Variants in FAP observed in about 807,000 individuals in gnomAD.
FAP encodes the protein prolyl endopeptidase FAP.
A neutral mutation model predicts 126.5 loss-of-function variants in FAP; 110 were observed. The observed-to-expected ratio is 0.87, with a 90% CI of 0.74 to 1.02. The LOEUF (loss-of-function observed/expected upper bound fraction) is 1.02. Among genes scored for constraint, FAP ranks in the 50% least tolerant of loss-of-function variants. The probability of loss-of-function intolerance (pLI) is 0.00; values close to 1 mark genes in which losing one functional copy is unlikely to be tolerated. For missense variants in FAP, 919 were observed against 909.2 expected (o/e 1.01, Z -0.14); for synonymous variants, 334 against 297.3 (o/e 1.12, Z -1.27).
At chr2:162,198,407 T>C in intron 16 of FAP, 1 of 1,218,048 alleles carries the variant, frequency 8.2e-7, no homozygotes, top group Non-Finnish European at 1.1e-6. Flanking sequence ...TTGCGAAGCC[T>C]AGCTGACGGG....
At chr2:162,182,419 C>T (rs992889012) in intron 21 of FAP, among the ~76,000 whole-genome samples, 3 of 152,088 alleles carry the variant, frequency 2.0e-5, no homozygotes, top group African/African-American at 4.8e-5. Flanking sequence ...TTTATTTCTA[C>T]TCATTTGAAT....
intron 12 of FAP, among the ~76,000 whole-genome samples, chr2:162,205,589 T>C (rs776240955): frequency 4.6e-5 from 7 of 152,090 alleles, no homozygotes; most frequent in Non-Finnish European, 8.8e-5. Flanking sequence ...TCTTGGCTCA[T>C]CACAACCTCT....
At chr2:162,180,995 C>A (rs1687678142) in intron 21 of FAP, among the ~76,000 whole-genome samples, 1 of 152,154 alleles carries the variant, frequency 6.6e-6, no homozygotes, top group South Asian at 2.1e-4. Flanking sequence ...TAAATGGAGG[C>A]CGGATGCGGT....
intron 2 of FAP, among the ~76,000 whole-genome samples, chr2:162,237,923 TTGATTTGCATTTCTC>T (rs1690203156): frequency 6.6e-6 from 1 of 152,232 alleles, no homozygotes; most frequent in Non-Finnish European, 1.5e-5. Flanking sequence ...CATTTTGGTT[TTGATTTGCATTTCTC>T]TAATTACCAG....
chr2:162,215,314 A>G (rs1689120184), intron 10 of FAP, among the ~76,000 whole-genome samples: 1 of 152,284 alleles, frequency 6.6e-6, no homozygotes, highest in East Asian at 1.9e-4. Flanking sequence ...CCCCTTAGCC[A>G]CTTCAACCAG....
chr2:162,176,754 C>G (rs1315841073), intron 21 of FAP: 1 of 151,894 alleles, frequency 6.6e-6, no homozygotes, highest in South Asian at 2.1e-4. Context: ...TTCCTATGCC[C>G]CAGAGAAGGA....
At chr2:162,197,328 C>A (rs1462916141) in intron 16 of FAP, among the ~76,000 whole-genome samples, 4 of 152,158 alleles carry the variant, frequency 2.6e-5, no homozygotes, top group Non-Finnish European at 5.9e-5. Flanking sequence ...GATAGATAAA[C>A]AGATGACTCA....
At chr2:162,239,167 G>A (rs1025420609) in intron 2 of FAP, among the ~76,000 whole-genome samples, 6 of 152,058 alleles carry the variant, frequency 3.9e-5, no homozygotes, top group African/African-American at 1.4e-4. Flanking sequence ...AAATAGCTGG[G>A]ACGAAAGGTG....
At chr2:162,202,062 G>C (rs1688520431) in intron 14 of FAP, among the ~76,000 whole-genome samples, 1 of 152,180 alleles carries the variant, frequency 6.6e-6, no homozygotes, top group African/African-American at 2.4e-5. Flanking sequence ...CTGGACTAAT[G>C]GTCCTCATCT....
At position 162,237,995 on chromosome 2, in the gene FAP, T is replaced by G. The variant is rs571059390; in HGVS notation, c.91+4913A>C. Among the ~76,000 whole-genome samples, 5 of 152,320 alleles carry G rather than the reference T, an allele frequency of 3.3e-5. No homozygotes were observed. In the South Asian group the frequency reaches 1.0e-3, roughly 32 times the overall value. On this transcript the variant is annotated intron_variant, in intron 2 of 25. Coordinates refer to ENST00000188790, the MANE Select transcript of FAP (RefSeq NM_004460.5). The stretch of plus-strand genomic sequence containing the variant: ...AAGTTTGTTGGTTGCATAAATGCCT[T>G]TTTTTGAGAAATGTCTGTTCATGTC...
At chr2:162,195,339 G>A (rs997003888) in intron 16 of FAP, among the ~76,000 whole-genome samples, 9 of 151,978 alleles carry the variant, frequency 5.9e-5, no homozygotes, top group Admixed American at 1.3e-4. Context: ...GGGAAAGGGA[G>A]GAAGAATAGG....
intron 6 of FAP, among the ~76,000 whole-genome samples, chr2:162,223,162 T>C (rs1689483173): frequency 6.6e-6 from 1 of 152,176 alleles, no homozygotes; most frequent in East Asian, 1.9e-4. Context: ...TTTTGTCATT[T>C]TTATAATAAT....
rs745534259 is a variant in FAP at position 162,214,010 on chromosome 2, T to C, written c.930A>G (p.Lys310=). The C allele has an allele frequency of 2.5e-6, 4 of 1,614,126 alleles. No individual in the cohort carries two copies. Among genetic ancestry groups the C allele is most frequent in the Non-Finnish European group, 3.4e-6 (4 of 1,179,986 alleles). The change falls in exon 11 of 26, where the codon AAA becomes AAG. Residue 310 remains lysine (K), a synonymous_variant. Coordinates refer to ENST00000188790, the MANE Select transcript of FAP (RefSeq NM_004460.5). ...ACAGGACCGAAACATTCTGGACTCT[T>C]TTTAGCCACTGCAAACATACTCGTT... ...TDERVCLQWL[K]RVQNVSVLSI... is the part of the protein sequence containing the mutation.
chr2:162,194,420 C>T (rs908092737), intron 17 of FAP, among the ~76,000 whole-genome samples: 5 of 151,646 alleles, frequency 3.3e-5, no homozygotes, highest in Admixed American at 6.6e-5. Context: ...CTAATCTGTG[C>T]TTTTTATAAG....
At chr2:162,205,749 G>A (rs1688675585) in intron 12 of FAP, among the ~76,000 whole-genome samples, 1 of 152,094 alleles carries the variant, frequency 6.6e-6, no homozygotes, top group African/African-American at 2.4e-5. Flanking sequence ...CTGACCTCAG[G>A]TGATCCACCC....
chr2:162,241,900 T>C (rs1690367149), intron 2 of FAP, among the ~76,000 whole-genome samples: 1 of 152,190 alleles, frequency 6.6e-6, no homozygotes, highest in African/African-American at 2.4e-5. Flanking sequence ...TGTGAAAATC[T>C]CATGATTATT....
At position 162,174,951 on chromosome 2, in the gene FAP, C is replaced by G. The variant is rs141879753; in HGVS notation, c.1885G>C (p.Val629Leu). The change falls in exon 22 of 26, where the codon GTT becomes CTT. Residue 629 changes from valine (V) to leucine (L), a missense_variant. Val to Leu is a conservative substitution (Grantham distance 32). Transcript: ENST00000188790. The part of the protein sequence containing the change: ...AIWGWSYGGY[V>L]SSLALASGTG... ...CCAGATGCAAGGGCCAGTGATGAAA[C>G]GTATCCTCCATAGGACTGTAGAGAC... The G allele has an allele frequency of 3.1e-6, 5 of 1,611,696 alleles. 1 individual carries two copies. In the East Asian group the frequency reaches 8.9e-5, roughly 29 times the overall value.
rs183276531 is a variant in FAP, at chr2:162,230,764, G to C, written c.92-4143C>G. 5.0e-3 allele frequency among the ~76,000 whole-genome samples: 703 copies of C among 142,000 alleles called. 9 individuals are homozygous for C. The highest frequency in any genetic ancestry group is 0.016 in the African/African-American group (663 of 40,628). 93.2% of individuals were successfully genotyped at this position (142,000 alleles called of 152,430 possible). A position where few individuals can be genotyped will look rare whatever the true frequency, so the allele number is the denominator to read the frequency against. On this transcript the variant is annotated intron_variant, in intron 2 of 25. Coordinates refer to ENST00000188790, the MANE Select transcript of FAP (RefSeq NM_004460.5). ...CAAACTTACTGAATCCAAATCTCTG[G>C]GGGGTGGGGTCCTGGTAGTTTTAGT...
In FAP at chr2:162,202,851, C is replaced by T. The variant is rs763790505; in HGVS notation, c.1223+21G>A. On this transcript the variant is annotated intron_variant, in intron 14 of 25. Coordinates refer to ENST00000188790, the MANE Select transcript of FAP (RefSeq NM_004460.5). ...GCCAATTAAAACCTGAATGGTGCAT[C>T]GTGCTTCGTGCAATACTTACAGTGA... 9 of 1,593,028 alleles carry T rather than the reference C, an allele frequency of 5.6e-6. No homozygotes were observed. The East Asian group carries it at 6.7e-5, about 12-fold the overall frequency.
Sources: allele counts gnomAD v4.1 joint callset (sites outside exome capture counted in the v4.1 genomes callset), GRCh38; gene constraint gnomAD v4.1.1; transcripts MANE v1.5; gene names NCBI Gene and HGNC (gene_info 2026-07-23, HGNC 2026-07-21).